The following EVL variants were observed in gnomAD, a reference collection of about 807,000 sequenced individuals.
EVL encodes the protein ena/VASP-like protein.
A neutral mutation model predicts 59.6 loss-of-function variants in EVL; 21 were observed. The ratio of observed to expected loss-of-function variants is 0.35; its 90% CI spans 0.25 to 0.51. The LOEUF is 0.51. EVL is among the 20% of genes least tolerant of loss of function. EVL has a pLI of 0.97. For missense variants in EVL, 462 were observed against 546.6 expected (o/e 0.85, Z 1.54); for synonymous variants, 198 against 203.5 (o/e 0.97, Z 0.23).
chr14:100,119,509 G>C (rs1007077213), intron 3 of EVL, among the ~76,000 whole-genome samples: 1 of 152,210 alleles, frequency 6.6e-6, no homozygotes, highest in Non-Finnish European at 1.5e-5. Flanking sequence ...GTGAGTGCAC[G>C]CAGCCTGTGG....
chr14:100,035,780 A>G (rs2061380147), intron 1 of EVL, among the ~76,000 whole-genome samples: 1 of 152,228 alleles, frequency 6.6e-6, no homozygotes, highest in South Asian at 2.1e-4. Context: ...GCAACTGGTT[A>G]GTTGGGTAGA....
chr14:99,995,397 G>A (rs561494895), intron 1 of EVL, among the ~76,000 whole-genome samples: 5 of 152,100 alleles, frequency 3.3e-5, no homozygotes, highest in Non-Finnish European at 5.9e-5. Flanking sequence ...TCTGTCCTCT[G>A]CCTAGTTAAG....
At chr14:100,081,873 G>C (rs1280104526) in intron 1 of EVL, among the ~76,000 whole-genome samples, 1 of 152,250 alleles carries the variant, frequency 6.6e-6, no homozygotes, top group African/African-American at 2.4e-5. Flanking sequence ...TCCAAGGCGG[G>C]CAGATTGCTT....
chr14:100,132,916 G>A (rs1888529151), intron 8 of EVL, 137 bp downstream of exon 8: 1 of 960,786 alleles, frequency 1.0e-6, no homozygotes, highest in Non-Finnish European at 1.6e-6. Flanking sequence ...AGGAGGGGCG[G>A]AGGGTCTCTG....
chr14:100,052,024 C>T (rs1202532584), intron 1 of EVL, among the ~76,000 whole-genome samples: 1 of 152,180 alleles, frequency 6.6e-6, no homozygotes, highest in Non-Finnish European at 1.5e-5. Context: ...AGGAGAGTCT[C>T]ATAAAAGCAA....
chr14:100,104,002 T>C (rs1019460625), intron 3 of EVL, among the ~76,000 whole-genome samples: 3 of 152,196 alleles, frequency 2.0e-5, no homozygotes, highest in Non-Finnish European at 4.4e-5. Flanking sequence ...TCTGAGCAAG[T>C]TACTTGATCT....
intron 1 of EVL, among the ~76,000 whole-genome samples, chr14:100,027,454 T>G (rs2061233243): frequency 6.6e-6 from 1 of 152,188 alleles, no homozygotes; most frequent in African/African-American, 2.4e-5. Flanking sequence ...TCTATCTCCA[T>G]GACTTCAATT....
intron 1 of EVL, among the ~76,000 whole-genome samples, chr14:100,010,760 A>G (rs2061011789): frequency 6.6e-6 from 1 of 152,144 alleles, no homozygotes; most frequent in African/African-American, 2.4e-5. Context: ...AAGCATTGTT[A>G]TATTGGAAAG....
chr14:100,031,377 C>T (rs1174420635), intron 1 of EVL, among the ~76,000 whole-genome samples: 1 of 152,124 alleles, frequency 6.6e-6, no homozygotes, highest in East Asian at 1.9e-4. Flanking sequence ...TTATGTAAGT[C>T]ACATAACTTC....
intron 1 of EVL, among the ~76,000 whole-genome samples, chr14:100,021,464 T>G (rs1450019165): frequency 6.6e-6 from 1 of 152,208 alleles, no homozygotes; most frequent in Admixed American, 6.5e-5. Context: ...CTGCATGGTG[T>G]CAGACAAATG....
In EVL at chr14:100,127,737, G is replaced by A. The variant is rs1001177995; in HGVS notation, c.488-782G>A. Among the ~76,000 whole-genome samples, 10 of 152,334 alleles carry A rather than the reference G, an allele frequency of 6.6e-5. No individual in the cohort carries two copies. The highest frequency in any genetic ancestry group is 2.4e-4 in the African/African-American group (10 of 41,570). ...GTCACTTCCGTGAGGACGTCATGGAGGACGTCCGTCTTCCATGAACTTCTG... is the reference window on the plus strand; with the variant it reads ...GTCACTTCCGTGAGGACGTCATGGAAGACGTCCGTCTTCCATGAACTTCTG... On this transcript the variant is annotated intron_variant, in intron 5 of 13. Coordinates refer to ENST00000392920, the MANE Select transcript of EVL (RefSeq NM_016337.3). This position sits in a 1 kb window ranked among gnomAD's most constrained non-coding sequence, Gnocchi z 4.2.
chr14:100,001,946 A>G (rs910166945), intron 1 of EVL, among the ~76,000 whole-genome samples: 3 of 152,254 alleles, frequency 2.0e-5, no homozygotes, highest in East Asian at 3.8e-4. Context: ...CTATATTGCC[A>G]TACATTAAGA....
intron 6 of EVL, 32 bp from the exon 7 acceptor site, chr14:100,129,531 A>G (rs754749586): frequency 6.2e-7 from 1 of 1,612,126 alleles, no homozygotes; most frequent in Non-Finnish European, 8.5e-7. Flanking sequence ...CATCAGCAGC[A>G]GAATCTAAAA....
chr14:100,104,824 C>T (rs1181322408), intron 3 of EVL, among the ~76,000 whole-genome samples: 5 of 151,934 alleles, frequency 3.3e-5, no homozygotes. Flanking sequence ...AAATAATCCC[C>T]CGCTGAGCTG....
intron 1 of EVL, among the ~76,000 whole-genome samples, chr14:100,007,823 G>GAGAA (rs1018860470): frequency 6.6e-6 from 1 of 152,162 alleles, no homozygotes; most frequent in Admixed American, 6.5e-5. Flanking sequence ...GAGAGAGAAA[G>GAGAA]AGAAAGAAAG....
At chr14:100,070,712 C>T (rs2140278428) in intron 1 of EVL, among the ~76,000 whole-genome samples, 1 of 152,332 alleles carries the variant, frequency 6.6e-6, no homozygotes, top group Non-Finnish European at 1.5e-5. Flanking sequence ...GGTCTTCATT[C>T]CCAGGCTGTT....
chr14:100,051,804 T>A (rs1005711634), intron 1 of EVL, among the ~76,000 whole-genome samples: 6 of 152,214 alleles, frequency 3.9e-5, no homozygotes, highest in African/African-American at 1.4e-4. Flanking sequence ...AACTTCCGTG[T>A]ATATTCCAGG....
At chr14:100,047,335 C>G (rs1487835566) in intron 1 of EVL, among the ~76,000 whole-genome samples, 1 of 151,922 alleles carries the variant, frequency 6.6e-6, no homozygotes, top group Non-Finnish European at 1.5e-5. Flanking sequence ...GCTTCCCCCT[C>G]TGAAAGCAGG....
intron 1 of EVL, among the ~76,000 whole-genome samples, chr14:99,978,298 A>G (rs1447887390): frequency 6.6e-6 from 1 of 151,330 alleles, no homozygotes; most frequent in Non-Finnish European, 1.5e-5. Context: ...GCTACTCCGG[A>G]GGCTGAGGCA....
Sources: gnomAD v4.1 joint callset for allele counts (sites outside exome capture counted in the v4.1 genomes callset) on GRCh38, gnomAD v4.1.1 for gene constraint, Gnocchi (gnomAD v3.1) non-coding constraint, MANE v1.5 for transcripts, NCBI Gene and HGNC (gene_info 2026-07-23, HGNC 2026-07-21) for gene names.